Variants in CDH4 observed in about 807,000 individuals in gnomAD.
The protein encoded by CDH4 is cadherin 4.
A neutral mutation model predicts 86.0 loss-of-function variants in CDH4; 33 were observed. The observed-to-expected ratio is 0.38, with a 90% CI of 0.29 to 0.51. The LOEUF (loss-of-function observed/expected upper bound fraction) is 0.51. CDH4 is among the 20% of genes least tolerant of loss of function. The pLI, the probability that CDH4 is intolerant of heterozygous loss-of-function variation, is 0.86. For missense variants in CDH4, 1,114 were observed against 1,307.4 expected, an observed-to-expected ratio of 0.85 and a Z score of 2.28; for synonymous variants, 555 against 549.4, an observed-to-expected ratio of 1.01 and a Z score of -0.14.
At chr20:61,648,063 G>C (rs943602270) in intron 2 of CDH4, among the ~76,000 whole-genome samples, 2 of 152,202 alleles carry the variant, frequency 1.3e-5, no homozygotes, top group Non-Finnish European at 2.9e-5. Flanking sequence ...GCAGGCAGGC[G>C]TGGGCTCCAG....
chr20:61,890,017 A>G (rs976589932), intron 7 of CDH4, among the ~76,000 whole-genome samples: 3 of 148,712 alleles, frequency 2.0e-5, no homozygotes, highest in African/African-American at 7.5e-5. Flanking sequence ...GGATGGATCA[A>G]TGATGGATGA....
intron 2 of CDH4, among the ~76,000 whole-genome samples, chr20:61,645,342 G>C (rs1365251866): frequency 6.6e-6 from 1 of 152,200 alleles, no homozygotes; most frequent in Admixed American, 6.5e-5. Context: ...AAAAGTGATT[G>C]CCGGCCAGGT....
chr20:61,565,821 G>A (rs1353403497), intron 2 of CDH4, among the ~76,000 whole-genome samples: 1 of 152,218 alleles, frequency 6.6e-6, no homozygotes, highest in East Asian at 1.9e-4. Flanking sequence ...CCAGGAGCCA[G>A]CCGAGGCTAC....
At chr20:61,773,262 G>T (rs2088799554) in intron 4 of CDH4, 80 bp downstream of exon 4, 2 of 1,356,008 alleles carry the variant, frequency 1.5e-6, no homozygotes, top group African/African-American at 2.9e-5. Flanking sequence ...AAAGCCAGGG[G>T]CGGGTTCCGC....
At chr20:61,664,491 C>T (rs1471539620) in intron 2 of CDH4, among the ~76,000 whole-genome samples, 1 of 152,254 alleles carries the variant, frequency 6.6e-6, no homozygotes, top group African/African-American at 2.4e-5. Context: ...TCCGAAAATG[C>T]AGCAGCCTGC....
chr20:61,933,174 T>C, intron 14 of CDH4, 50 bp downstream of exon 14: 1 of 1,589,614 alleles, frequency 6.3e-7, no homozygotes, highest in Non-Finnish European at 8.6e-7. Flanking sequence ...GGCTCTCACG[T>C]GTACTAGTGT....
intron 2 of CDH4, among the ~76,000 whole-genome samples, chr20:61,363,489 C>T (rs1339037646): frequency 2.0e-5 from 3 of 150,880 alleles, no homozygotes; most frequent in Non-Finnish European, 4.5e-5. Context: ...AGAAGTCCTA[C>T]ACACACACAC....
At chr20:61,836,466 AAC>A in intron 4 of CDH4, among the ~76,000 whole-genome samples, 2 of 152,348 alleles carry the variant, frequency 1.3e-5, no homozygotes, top group African/African-American at 4.8e-5. Context: ...AGTATGTGTG[AAC>A]AGTTCTGTAT....
intron 2 of CDH4, among the ~76,000 whole-genome samples, chr20:61,720,288 C>T (rs1413674085): frequency 6.6e-6 from 1 of 152,132 alleles, no homozygotes; most frequent in Admixed American, 6.5e-5. Flanking sequence ...CCTCCTGGCC[C>T]CCCATCCTGC....
At chr20:61,380,716 A>C (rs2084895974) in intron 2 of CDH4, among the ~76,000 whole-genome samples, 1 of 152,214 alleles carries the variant, frequency 6.6e-6, no homozygotes. Flanking sequence ...TAAATGGCTC[A>C]ATATGGCAGC....
chr20:61,817,372 C>T (rs1293130778), intron 4 of CDH4, among the ~76,000 whole-genome samples: 1 of 152,208 alleles, frequency 6.6e-6, no homozygotes, highest in Admixed American at 6.5e-5. Flanking sequence ...TGGGCTTAGC[C>T]TACCCAGATC....
intron 6 of CDH4, among the ~76,000 whole-genome samples, chr20:61,872,972 G>T (rs1342071153): frequency 1.3e-5 from 2 of 152,242 alleles, no homozygotes; most frequent in African/African-American, 4.8e-5. Context: ...CCTCCCCAGG[G>T]CAGGAAAGGC....
chr20:61,872,725 A>G (rs1419305018), intron 6 of CDH4, among the ~76,000 whole-genome samples: 1 of 152,260 alleles, frequency 6.6e-6, no homozygotes, highest in African/African-American at 2.4e-5. Context: ...GAACACCGGA[A>G]GGTGGCGGGC....
intron 2 of CDH4, among the ~76,000 whole-genome samples, chr20:61,351,370 C>T (rs565452286): frequency 1.3e-4 from 20 of 152,298 alleles, no homozygotes; most frequent in African/African-American, 2.9e-4. Context: ...CTGGATTCTA[C>T]GCACACACTG....
intron 2 of CDH4, among the ~76,000 whole-genome samples, chr20:61,660,246 T>A (rs1401821729): frequency 2.6e-5 from 4 of 152,164 alleles, no homozygotes; most frequent in Non-Finnish European, 5.9e-5. Flanking sequence ...TGTCTTCCCC[T>A]GCCTTGGAGC....
chr20:61,787,391 C>T (rs1326910371), intron 4 of CDH4, among the ~76,000 whole-genome samples: 2 of 152,146 alleles, frequency 1.3e-5, no homozygotes, highest in South Asian at 2.1e-4. Context: ...AAGTGCAGAT[C>T]GAAGCAGAGG....
chr20:61,554,797 T>C (rs561440008), intron 2 of CDH4, among the ~76,000 whole-genome samples: 3 of 152,374 alleles, frequency 2.0e-5, no homozygotes, highest in Admixed American at 6.5e-5. Flanking sequence ...TTTTCACACG[T>C]GCACATGTAT....
intron 2 of CDH4, among the ~76,000 whole-genome samples, chr20:61,304,256 G>A (rs1186025247): frequency 1.1e-5 from 1 of 88,848 alleles, no homozygotes; most frequent in East Asian, 5.0e-4. Context: ...TGAAGATAGT[G>A]GACGGCACCC....
intron 7 of CDH4, among the ~76,000 whole-genome samples, chr20:61,893,398 G>C (rs1282463623): frequency 6.6e-6 from 1 of 151,540 alleles, no homozygotes; most frequent in Non-Finnish European, 1.5e-5. Flanking sequence ...GGTGAATAGA[G>C]GGATGGTGGA....
Sources: gnomAD v4.1 joint callset for allele counts (sites outside exome capture counted in the v4.1 genomes callset) on GRCh38, gnomAD v4.1.1 for gene constraint, MANE v1.5 for transcripts, NCBI Gene and HGNC (gene_info 2026-07-23, HGNC 2026-07-21) for gene names.